Variants in SEMA3E observed in about 807,000 individuals in gnomAD.
The protein encoded by SEMA3E is semaphorin 3E, also known as semaphorin-3E.
A neutral mutation model predicts 93.6 loss-of-function variants in SEMA3E; 49 were observed. The ratio of observed to expected loss-of-function variants is 0.52; its 90% CI spans 0.42 to 0.66. SEMA3E has a LOEUF of 0.66. SEMA3E is among the 30% of genes least tolerant of loss of function. The probability of loss-of-function intolerance (pLI) is 0.00; values close to 1 mark genes in which losing one functional copy is unlikely to be tolerated. For synonymous variants in SEMA3E, 363 were observed against 330.7 expected, an observed-to-expected ratio of 1.10 and a Z score of -1.06; for missense variants, 906 against 964.8, an observed-to-expected ratio of 0.94 and a Z score of 0.81.
intron 1 of SEMA3E, among the ~76,000 whole-genome samples, chr7:83,610,508 T>C (rs1793229278): frequency 6.6e-6 from 1 of 152,154 alleles, no homozygotes. Flanking sequence ...TACATTAATC[T>C]AAATGCTGCT....
chr7:83,614,325 G>C (rs1011470536), intron 1 of SEMA3E, among the ~76,000 whole-genome samples: 3 of 152,046 alleles, frequency 2.0e-5, no homozygotes, highest in African/African-American at 7.2e-5. Flanking sequence ...TAGTTTTCCC[G>C]TTCAAATATA....
At chr7:83,462,144 C>A (rs577905856) in intron 4 of SEMA3E, 2 of 152,188 alleles carry the variant, frequency 1.3e-5, no homozygotes, top group Non-Finnish European at 2.9e-5. Flanking sequence ...CGACACTGCC[C>A]GATCACCTCG....
At chr7:83,559,224 A>G (rs1791978518) in intron 1 of SEMA3E, among the ~76,000 whole-genome samples, 1 of 152,004 alleles carries the variant, frequency 6.6e-6, no homozygotes, top group African/African-American at 2.4e-5. Flanking sequence ...TCTCCCATAG[A>G]AGGATAGCTT....
At chr7:83,465,884 T>C (rs1044632589) in intron 4 of SEMA3E, among the ~76,000 whole-genome samples, 7 of 152,052 alleles carry the variant, frequency 4.6e-5, no homozygotes, top group Admixed American at 3.9e-4. Flanking sequence ...TAGTAAATAT[T>C]ATATGTGTGG....
intron 1 of SEMA3E, among the ~76,000 whole-genome samples, chr7:83,563,159 C>T (rs1291605030): frequency 5.3e-5 from 8 of 152,094 alleles, no homozygotes; most frequent in Admixed American, 5.2e-4. Flanking sequence ...GTAAACTATG[C>T]AATCAAGAAG....
In SEMA3E at chr7:83,402,550, C is replaced by A. The variant is rs924346780; in HGVS notation, c.1143+82G>T. 75 of 1,301,302 alleles carry A rather than the reference C, an allele frequency of 5.8e-5. No homozygotes were observed. The Middle Eastern group carries it at 6.4e-4, about 11-fold the overall frequency. The allele number at this position is 1,301,302 out of a possible 1,614,324, so 80.6% of individuals were successfully genotyped here. A position where few individuals can be genotyped will look rare whatever the true frequency, so the allele number is the denominator to read the frequency against. On this transcript the variant is annotated intron_variant, in intron 10 of 16. Transcript: ENST00000643230. ...ATAGTATTCCTTAATTGTTTATCTGCAAAGTCTTATGAAACAGTGAACAAA... is the reference window on the plus strand; with the variant it reads ...ATAGTATTCCTTAATTGTTTATCTGAAAAGTCTTATGAAACAGTGAACAAA...
chr7:83,546,126 C>T (rs1290853715), intron 1 of SEMA3E, among the ~76,000 whole-genome samples: 1 of 148,614 alleles, frequency 6.7e-6, no homozygotes. Context: ...AGAAAAACTG[C>T]AGGCTTTTAT....
chr7:83,584,938 T>A (rs369261940), intron 1 of SEMA3E, among the ~76,000 whole-genome samples: 1 of 152,120 alleles, frequency 6.6e-6, no homozygotes, highest in East Asian at 1.9e-4. Flanking sequence ...TGCAGCGTTT[T>A]CCCCTTACTA....
chr7:83,618,176 C>T (rs1279206296), intron 1 of SEMA3E, among the ~76,000 whole-genome samples: 1 of 151,968 alleles, frequency 6.6e-6, no homozygotes, highest in Non-Finnish European at 1.5e-5. Flanking sequence ...TTGTCAGTAC[C>T]TATTATGATT....
At chr7:83,550,400 T>C (rs1199647849) in intron 1 of SEMA3E, among the ~76,000 whole-genome samples, 1 of 152,138 alleles carries the variant, frequency 6.6e-6, no homozygotes, top group Non-Finnish European at 1.5e-5. Flanking sequence ...TAGTAAGGCA[T>C]GAACAGGCAT....
chr7:83,486,581 A>G (rs1004815303), intron 2 of SEMA3E, among the ~76,000 whole-genome samples: 3 of 152,146 alleles, frequency 2.0e-5, no homozygotes, highest in African/African-American at 7.2e-5. Flanking sequence ...AGAATGTCAT[A>G]AAGTAGACCT....
intron 4 of SEMA3E, among the ~76,000 whole-genome samples, chr7:83,431,780 T>G (rs1286476695): frequency 1.3e-5 from 2 of 152,172 alleles, no homozygotes; most frequent in Non-Finnish European, 2.9e-5. Flanking sequence ...CTATCTATAA[T>G]AAAGACCATA....
At chr7:83,632,721 A>G (rs1471441861) in intron 1 of SEMA3E, among the ~76,000 whole-genome samples, 1 of 152,242 alleles carries the variant, frequency 6.6e-6, no homozygotes, top group Non-Finnish European at 1.5e-5. Context: ...TTGGAGGTCC[A>G]TCATGACTTA....
At chr7:83,548,760 G>T (rs950618610) in intron 1 of SEMA3E, among the ~76,000 whole-genome samples, 1 of 152,066 alleles carries the variant, frequency 6.6e-6, no homozygotes, top group Non-Finnish European at 1.5e-5. Context: ...AATACACCAC[G>T]CAGCCTTTTC....
At chr7:83,533,362 CA>C (rs1791344330) in intron 1 of SEMA3E, among the ~76,000 whole-genome samples, 1 of 151,886 alleles carries the variant, frequency 6.6e-6, no homozygotes, top group South Asian at 2.1e-4. Flanking sequence ...GCCAACATGG[CA>C]AAACCCCATC....
At chr7:83,572,512 G>T (rs908428734) in intron 1 of SEMA3E, among the ~76,000 whole-genome samples, 1 of 152,048 alleles carries the variant, frequency 6.6e-6, no homozygotes, top group Admixed American at 6.6e-5. Context: ...GGTGGCAGCC[G>T]CTTGTAGTCC....
At chr7:83,497,595 GAT>G (rs1454998619) in intron 1 of SEMA3E, among the ~76,000 whole-genome samples, 1 of 152,184 alleles carries the variant, frequency 6.6e-6, no homozygotes, top group African/African-American at 2.4e-5. Flanking sequence ...ATGCTTTGAT[GAT>G]TTTGACAGAT....
chr7:83,633,001 G>A (rs1415888507), intron 1 of SEMA3E, among the ~76,000 whole-genome samples: 3 of 151,998 alleles, frequency 2.0e-5, no homozygotes, highest in Non-Finnish European at 2.9e-5. Context: ...TCCAATTTGG[G>A]TAAAATTATA....
At chr7:83,573,024 A>G (rs1209174360) in intron 1 of SEMA3E, among the ~76,000 whole-genome samples, 4 of 152,176 alleles carry the variant, frequency 2.6e-5, no homozygotes. Flanking sequence ...AGAAACAAAA[A>G]TTGACAAGCG....
Sources: allele counts gnomAD v4.1 joint callset (sites outside exome capture counted in the v4.1 genomes callset), GRCh38; gene constraint gnomAD v4.1.1; transcripts MANE v1.5; gene names NCBI Gene and HGNC (gene_info 2026-07-23, HGNC 2026-07-21).